Variants in SLC10A2 observed in about 807,000 individuals in gnomAD.
SLC10A2 encodes the protein ileal sodium/bile acid cotransporter.
In SLC10A2, 34 loss-of-function variants were observed where a neutral mutation model predicts 27.1. That is an observed-to-expected ratio of 1.26 (90% CI 0.96 to 1.67). The LOEUF is 1.67. Among genes scored for constraint, SLC10A2 ranks in the 40% most tolerant of loss-of-function variants. SLC10A2 has a pLI of 0.00. For synonymous variants in SLC10A2, 205 were observed against 174.0 expected, an observed-to-expected ratio of 1.18 and a Z score of -1.40; for missense variants, 530 against 444.4, an observed-to-expected ratio of 1.19 and a Z score of -1.73.
intron 2 of SLC10A2, among the ~76,000 whole-genome samples, chr13:103,053,975 G>A (rs1262725281): frequency 6.6e-6 from 1 of 152,108 alleles, no homozygotes; most frequent in Non-Finnish European, 1.5e-5. Context: ...GGGTATCCTT[G>A]CATCCTGCTG....
At chr13:103,056,053 A>T (rs996133133) in intron 2 of SLC10A2, among the ~76,000 whole-genome samples, 4 of 152,366 alleles carry the variant, frequency 2.6e-5, no homozygotes, top group East Asian at 1.9e-4. Flanking sequence ...GCTCCAGCCA[A>T]TGGAGACAGG....
At position 103,066,148 on chromosome 13, in the gene SLC10A2, T is replaced by C; in HGVS notation, c.102A>G (p.Leu34=). ...SNFNNILSVV[L]STVLTILLAL... ...CCAACAGGATGGTCAGCACCGTACTTAGGACCACACTTAGGATGTTATTGA... is the reference window on the plus strand; with the variant it reads ...CCAACAGGATGGTCAGCACCGTACTCAGGACCACACTTAGGATGTTATTGA... Residue 34 remains leucine, a synonymous_variant, in exon 1 of 6, where the codon CTA becomes CTG. Coordinates refer to ENST00000245312, the MANE Select transcript of SLC10A2 (RefSeq NM_000452.3). 6.2e-7 allele frequency: 1 copy of C among 1,614,104 alleles called. No homozygotes were observed. Among genetic ancestry groups the C allele is most frequent in the Non-Finnish European group, 8.5e-7 (1 of 1,179,986 alleles).
At chr13:103,058,185 G>A (rs1470723897) in intron 2 of SLC10A2, 79 bp downstream of exon 2, 4 of 871,668 alleles carry the variant, frequency 4.6e-6, no homozygotes, top group Non-Finnish European at 2.0e-6. Context: ...TCAGGTGTGA[G>A]CCTGGTCTGA....
chr13:103,059,227 CAT>C (rs1876030359), intron 1 of SLC10A2, among the ~76,000 whole-genome samples: 1 of 152,048 alleles, frequency 6.6e-6, no homozygotes, highest in South Asian at 2.1e-4. Context: ...AACTTTTTTT[CAT>C]ATGATTGTTG....
At chr13:103,049,855 G>C (rs2138912694) in intron 4 of SLC10A2, among the ~76,000 whole-genome samples, 1 of 152,184 alleles carries the variant, frequency 6.6e-6, no homozygotes, top group South Asian at 2.1e-4. Flanking sequence ...GTTTTGTTTA[G>C]GCTGGGCTAA....
intron 1 of SLC10A2, among the ~76,000 whole-genome samples, chr13:103,063,429 T>G (rs1372774508): frequency 2.0e-5 from 3 of 152,210 alleles, no homozygotes; most frequent in Non-Finnish European, 4.4e-5. Flanking sequence ...TTCATGCCAT[T>G]GCTGGAGTTC....
chr13:103,054,107 G>A (rs1875869024), intron 2 of SLC10A2, among the ~76,000 whole-genome samples: 1 of 111,930 alleles, frequency 8.9e-6, no homozygotes, highest in Non-Finnish European at 1.8e-5. Flanking sequence ...GGTGGGAGGT[G>A]ATTGAATTGT....
In SLC10A2 at chr13:103,051,429, C is replaced by T; in HGVS notation, c.589G>A (p.Gly197Arg). 1 of 1,613,064 alleles carries T rather than the reference C, an allele frequency of 6.2e-7. No individual in the cohort carries two copies. The highest frequency in any genetic ancestry group is 2.2e-5 in the East Asian group (1 of 44,838). ...PQKAKIILKI[G>R]SIAGAILIVL... Reference sequence around the variant, plus strand: ...ATGAGGATGGCGCCCGCGATGGACCCAATCTGAAAAAAAAAGGAATAAGTG... The same window carrying T: ...ATGAGGATGGCGCCCGCGATGGACCTAATCTGAAAAAAAAAGGAATAAGTG... Residue 197 changes from glycine (G) to arginine (R), a missense_variant, in exon 4 of 6, where the codon GGG (glycine) becomes AGG (arginine). Physicochemically the swap from Gly to Arg is moderately radical, Grantham distance 125 (BLOSUM62 -2). Transcript: ENST00000245312.
chr13:103,051,178 G>T, intron 4 of SLC10A2, 79 bp downstream of exon 4: 2 of 1,445,288 alleles, frequency 1.4e-6, no homozygotes, highest in Non-Finnish European at 1.9e-6. Flanking sequence ...TTGTGGTTCT[G>T]TCTTATGGCA....
At chr13:103,053,286 C>T (rs1318490851) in intron 2 of SLC10A2, among the ~76,000 whole-genome samples, 1 of 152,172 alleles carries the variant, frequency 6.6e-6, no homozygotes, top group Non-Finnish European at 1.5e-5. Flanking sequence ...CTAGCTTTAG[C>T]TATTCAAATT....
chr13:103,050,555 C>T (rs761732344), intron 4 of SLC10A2, among the ~76,000 whole-genome samples: 2 of 152,136 alleles, frequency 1.3e-5, no homozygotes, highest in African/African-American at 2.4e-5. Context: ...CCAAGGCAGC[C>T]CAACTGCTTT....
chr13:103,056,197 T>C (rs1949756447), intron 2 of SLC10A2, among the ~76,000 whole-genome samples: 2 of 152,226 alleles, frequency 1.3e-5, no homozygotes, highest in African/African-American at 4.8e-5. Flanking sequence ...TGAGAAAACT[T>C]TTTGTCTGAA....
rs1469719686 is a variant in SLC10A2, at chr13:103,066,283, A to T, written c.-34T>A. ...CTGCTGCTGGAAAGGCCAAGTCCAC[A>T]GAAGCGCTGGTCCCTGGGCCCTGGC... is the stretch of plus-strand genomic sequence containing the variant. On this transcript the variant is annotated 5_prime_UTR_variant, in exon 1 of 6. Transcript: ENST00000245312. The T allele has an allele frequency of 2.5e-6, 4 of 1,573,274 alleles. No homozygotes were observed. Among genetic ancestry groups the T allele is most frequent in the Non-Finnish European group, 3.5e-6 (4 of 1,158,020 alleles).
At chr13:103,054,819 C>T (rs1444469478) in intron 2 of SLC10A2, among the ~76,000 whole-genome samples, 2 of 152,098 alleles carry the variant, frequency 1.3e-5, no homozygotes, top group African/African-American at 4.8e-5. Context: ...TAACTTTGGT[C>T]TCCAGTGGGC....
intron 2 of SLC10A2, among the ~76,000 whole-genome samples, chr13:103,056,035 G>T (rs900411118): frequency 2.9e-4 from 44 of 152,346 alleles, no homozygotes; most frequent in African/African-American, 9.9e-4. Context: ...CTTAGATTGT[G>T]ATGTCTGGCT....
chr13:103,051,315 C>T lies in SLC10A2; in HGVS notation c.703G>A (p.Val235Met). The change falls in exon 4 of 6, where the codon GTG becomes ATG. Residue 235 changes from valine (V) to methionine (M), a missense_variant. By Grantham distance (21) the Val-to-Met change is conservative. Coordinates refer to ENST00000245312, the MANE Select transcript of SLC10A2 (RefSeq NM_000452.3). ...AGAAACCCCAGGGAGTAACCCGCCA[C>T]AGGAAATATTGTTCCTATAATCCAC... ...KLWIIGTIFP[V>M]AGYSLGFLLA... 6.2e-7 allele frequency: 1 copy of T among 1,614,116 alleles called. No individual in the cohort carries two copies. Among genetic ancestry groups the T allele is most frequent in the Non-Finnish European group, 8.5e-7 (1 of 1,180,006 alleles).
At chr13:103,059,968 G>A (rs892099640) in intron 1 of SLC10A2, among the ~76,000 whole-genome samples, 8 of 152,202 alleles carry the variant, frequency 5.3e-5, no homozygotes, top group Admixed American at 2.6e-4. Context: ...TTTGGCAAAT[G>A]TGTGTTCAGA....
At position 103,065,903 on chromosome 13, in the gene SLC10A2, G is replaced by A. The variant is rs201133082; in HGVS notation, c.347C>T (p.Ala116Val). The change falls in exon 1 of 6, where the codon GCC becomes GTC. Residue 116 changes from alanine (A) to valine (V), a missense_variant. By Grantham distance (64) the Ala-to-Val change is moderately conservative (BLOSUM62 0). Coordinates refer to ENST00000245312, the MANE Select transcript of SLC10A2 (RefSeq NM_000452.3). ...CPGGTASNIL[A>V]YWVDGDMDLS... ...GTCCATGTCGCCATCGACCCAATAG[G>A]CCAAGATATTGGAGGCAGTTCCTCC... 128 of 1,613,942 alleles carry A rather than the reference G, an allele frequency of 7.9e-5. No homozygotes were observed. Among genetic ancestry groups the A allele is most frequent in the Middle Eastern group, 1.6e-4 (1 of 6,084 alleles).
Position 103,049,271 on chromosome 13 carries a change from A to G in SLC10A2, c.919+18T>C, listed in dbSNP as rs776561107. On this transcript the variant is annotated intron_variant, in intron 5 of 5. Coordinates refer to ENST00000245312, the MANE Select transcript of SLC10A2 (RefSeq NM_000452.3). ...TTTTCAAAGATTATCATGAAATGGGATTGGCATGATTCCTTACATCCTAAG... is the reference window on the plus strand; with the variant it reads ...TTTTCAAAGATTATCATGAAATGGGGTTGGCATGATTCCTTACATCCTAAG... The G allele has an allele frequency of 6.2e-7, 1 of 1,612,688 alleles. No individual in the cohort carries two copies. The highest frequency in any genetic ancestry group is 2.2e-5 in the East Asian group (1 of 44,816).
Sources: gnomAD v4.1 joint callset for allele counts (sites outside exome capture counted in the v4.1 genomes callset) on GRCh38, gnomAD v4.1.1 for gene constraint, MANE v1.5 for transcripts, NCBI Gene and HGNC (gene_info 2026-07-23, HGNC 2026-07-21) for gene names.